CXADR: variants seen among roughly 807,000 people sequenced by gnomAD.
CXADR encodes the protein CXADR cell adhesion molecule.
CXADR carries 20 observed loss-of-function variants against 40.3 expected under a neutral mutation model. The ratio of observed to expected loss-of-function variants is 0.50; its 90% CI spans 0.35 to 0.72. The LOEUF (loss-of-function observed/expected upper bound fraction) is 0.72. Ranked by LOEUF, CXADR falls within the 30% of genes least tolerant of loss-of-function variation. CXADR has a pLI of 0.01. For synonymous variants in CXADR, 150 were observed against 161.3 expected, an observed-to-expected ratio of 0.93 and a Z score of 0.53; for missense variants, 332 against 449.1, an observed-to-expected ratio of 0.74 and a Z score of 2.36.
In CXADR at chr21:17,552,399, T is replaced by G. The variant is rs530409106; in HGVS notation, c.415+446T>G. 3.9e-5 allele frequency among the ~76,000 whole-genome samples: 6 copies of G among 152,320 alleles called. No homozygotes were observed. The East Asian group carries it at 1.2e-3, about 29-fold the overall frequency. The stretch of plus-strand genomic sequence containing the variant: ...TTAGGCATCACATAGTATTTAAGCT[T>G]CTTGGCATCACTGTTTTTCATCATT... On this transcript the variant is annotated intron_variant, in intron 3 of 6. Coordinates refer to ENST00000284878, the MANE Select transcript of CXADR (RefSeq NM_001338.5).
At chr21:17,570,211 C>A, downstream of CXADR, 1 of 981,648 alleles carries the variant, frequency 1.0e-6, no homozygotes, top group Non-Finnish European at 1.2e-6. Flanking sequence ...CCCCGTGTAT[C>A]CTCTAAACAG....
chr21:17,634,362 G>A, the CXADR span, among the ~76,000 whole-genome samples: 1 of 152,186 alleles, frequency 6.6e-6, no homozygotes, highest in Non-Finnish European at 1.5e-5. Flanking sequence ...TTTTGTTCAT[G>A]TTGCGTATCT....
chr21:17,519,508 G>A (rs2060502307), intron 1 of CXADR, among the ~76,000 whole-genome samples: 1 of 152,130 alleles, frequency 6.6e-6, no homozygotes, highest in East Asian at 1.9e-4. Context: ...TTTTTCTCCT[G>A]CTTCAGTTGC....
chr21:17,526,134 A>G (rs1009747038), intron 1 of CXADR, among the ~76,000 whole-genome samples: 2 of 152,186 alleles, frequency 1.3e-5, no homozygotes, highest in Admixed American at 1.3e-4. Context: ...GCCAGCAGCT[A>G]CTGTATTGGT....
intron 3 of CXADR, among the ~76,000 whole-genome samples, chr21:17,555,092 CAA>C (rs924710504): frequency 1.3e-5 from 2 of 152,286 alleles, no homozygotes; most frequent in African/African-American, 2.4e-5. Flanking sequence ...GAAATGATAA[CAA>C]AGAGAGTTGA....
In CXADR at chr21:17,578,200, A is replaced by G. The variant is rs78718816; in HGVS notation, c.1017+12589A>G. On this transcript the variant is annotated intron_variant, in intron 7 of 7. Coordinates refer to the CXADR transcript ENST00000400169. ...TTTTAATTTTTTGAGGAATCTCCAT[A>G]CTGTTTTCTATAATGGCTGTACCAA... Among the ~76,000 whole-genome samples the G allele has an allele frequency of 0.016, 2,418 of 152,284 alleles. 209 individuals carry two copies. In the East Asian group the frequency reaches 0.26, roughly 17 times the overall value.
At chr21:17,612,445 G>A in the CXADR span, 2 of 152,224 alleles carry the variant, frequency 1.3e-5, no homozygotes, top group Non-Finnish European at 2.9e-5. Flanking sequence ...CAGGAGCCCT[G>A]AGGCGGCGTC....
chr21:17,636,175 A>G, the CXADR span, among the ~76,000 whole-genome samples: 1 of 152,204 alleles, frequency 6.6e-6, no homozygotes, highest in African/African-American at 2.4e-5. Flanking sequence ...TTCAGTTTTA[A>G]CAGCTTATTT....
At chr21:17,605,728 T>C in the CXADR span, among the ~76,000 whole-genome samples, 2 of 152,148 alleles carry the variant, frequency 1.3e-5, no homozygotes, top group African/African-American at 4.8e-5. Flanking sequence ...GTTTAATAAA[T>C]AAAAAATATG....
At chr21:17,610,000 C>T in the CXADR span, among the ~76,000 whole-genome samples, 2 of 152,040 alleles carry the variant, frequency 1.3e-5, no homozygotes. Flanking sequence ...GCAGTTAAAA[C>T]GAATGAGTAC....
intron 1 of CXADR, among the ~76,000 whole-genome samples, chr21:17,517,331 C>G (rs535727899): frequency 2.0e-5 from 3 of 152,108 alleles, no homozygotes; most frequent in Non-Finnish European, 4.4e-5. Context: ...AGTGCTCCCC[C>G]CAAAGCATTA....
the CXADR span, chr21:17,609,302 A>G: frequency 1.4e-6 from 1 of 721,058 alleles, no homozygotes; most frequent in Non-Finnish European, 2.2e-6. Flanking sequence ...GTAGAGAACA[A>G]TCTACTTATC....
intron 6 of CXADR, among the ~76,000 whole-genome samples, chr21:17,563,940 C>CAAAAAA (rs35020228): frequency 0.01 from 384 of 37,180 alleles, 45 homozygotes; most frequent in Admixed American, 0.04. Context: ...GACTCTGTCT[C>CAAAAAA]AAAAAAAAAA....
chr21:17,599,262 A>AC, the CXADR span, among the ~76,000 whole-genome samples: 1 of 148,192 alleles, frequency 6.7e-6, no homozygotes, highest in Non-Finnish European at 1.5e-5. Flanking sequence ...TGCAGACTCT[A>AC]CCTCCTGGGC....
chr21:17,586,415 A>ATAAT (rs2061396902), intron 7 of CXADR, among the ~76,000 whole-genome samples: 1 of 146,988 alleles, frequency 6.8e-6, no homozygotes, highest in South Asian at 2.1e-4. Flanking sequence ...ATATATATAT[A>ATAAT]ATATATATTA....
the CXADR span, among the ~76,000 whole-genome samples, chr21:17,614,720 G>A: frequency 0.028 from 4,246 of 152,224 alleles, 184 homozygotes; most frequent in African/African-American, 0.097. Context: ...TCCAGCCTGG[G>A]TGACAGAGCA....
chr21:17,524,043 CGTGTGTGTGTGTGTGTGT>C (rs200561495), intron 1 of CXADR, among the ~76,000 whole-genome samples: 1 of 144,720 alleles, frequency 6.9e-6, no homozygotes. Context: ...TGTGTGTGTG[CGTGTGTGTGTGTGTGTGT>C]GTGTGTATTT....
chr21:17,570,942 T>C (rs2061272680), downstream of CXADR, among the ~76,000 whole-genome samples: 1 of 152,182 alleles, frequency 6.6e-6, no homozygotes, highest in Non-Finnish European at 1.5e-5. Flanking sequence ...TAGGGGACTG[T>C]CCTGTGCATT....
rs1424528603 is a variant in CXADR at position 17,566,546 on chromosome 21, C to T, written c.*854C>T. On this transcript the variant is annotated 3_prime_UTR_variant, in exon 7 of 7. Transcript: ENST00000284878. ...CAAGGATGTAGTATCTCATAGTTCC[C>T]AGGTGATATTTTTCTTATTAGAAAA... 1.0e-6 allele frequency: 1 copy of T among 984,594 alleles called. No homozygotes were observed. Among genetic ancestry groups the T allele is most frequent in the Non-Finnish European group, 1.2e-6 (1 of 829,412 alleles). The allele number at this position is 984,594 out of a possible 1,614,324, so 61.0% of individuals were successfully genotyped here. A position where few individuals can be genotyped will look rare whatever the true frequency, so the allele number is the denominator to read the frequency against.
Sources: gnomAD v4.1 joint callset for allele counts (sites outside exome capture counted in the v4.1 genomes callset) on GRCh38, gnomAD v4.1.1 for gene constraint, MANE v1.5 for transcripts, NCBI Gene and HGNC (gene_info 2026-07-23, HGNC 2026-07-21) for gene names.